The following SLC25A21 variants were observed in gnomAD, a reference collection of about 807,000 sequenced individuals.
SLC25A21 encodes solute carrier family 25 member 21.
SLC25A21 carries 47 observed loss-of-function variants against 43.8 expected under a neutral mutation model. The ratio of observed to expected loss-of-function variants is 1.07; its 90% CI spans 0.85 to 1.37. The LOEUF (loss-of-function observed/expected upper bound fraction) is 1.37. Among genes scored for constraint, SLC25A21 ranks in the 40% most tolerant of loss-of-function variants. The pLI is 0.00. For synonymous variants in SLC25A21, 131 were observed against 121.3 expected (o/e 1.08, Z -0.52); for missense variants, 352 against 350.2 (o/e 1.00, Z -0.04).
At chr14:36,817,913 T>C (rs1888508270) in intron 2 of SLC25A21, among the ~76,000 whole-genome samples, 1 of 152,212 alleles carries the variant, frequency 6.6e-6, no homozygotes, top group South Asian at 2.1e-4. Context: ...CTAGTTGCAA[T>C]TTCTTTTTCT....
At chr14:36,774,413 T>C (rs1165107790) in intron 3 of SLC25A21, among the ~76,000 whole-genome samples, 1 of 152,236 alleles carries the variant, frequency 6.6e-6, no homozygotes, top group Non-Finnish European at 1.5e-5. Context: ...AAAAAGTTTA[T>C]TTCTCAGTAC....
chr14:36,917,787 G>A (rs1891870570), intron 1 of SLC25A21, among the ~76,000 whole-genome samples: 1 of 151,908 alleles, frequency 6.6e-6, no homozygotes, highest in Non-Finnish European at 1.5e-5. Flanking sequence ...AAACCAGGAG[G>A]CACCTAACAT....
chr14:36,772,725 T>C (rs192156671), intron 3 of SLC25A21, among the ~76,000 whole-genome samples: 7 of 152,282 alleles, frequency 4.6e-5, no homozygotes, highest in Admixed American at 4.6e-4. Context: ...CATGGTCGAT[T>C]GCAAATATTC....
At chr14:36,915,994 T>A (rs1265911308) in intron 1 of SLC25A21, among the ~76,000 whole-genome samples, 1 of 152,238 alleles carries the variant, frequency 6.6e-6, no homozygotes, top group Non-Finnish European at 1.5e-5. Context: ...CTTTCTCATA[T>A]CAGAGTGGAT....
intron 1 of SLC25A21, among the ~76,000 whole-genome samples, chr14:36,994,006 AATG>A (rs1275054350): frequency 2.6e-5 from 4 of 152,170 alleles, no homozygotes; most frequent in African/African-American, 9.7e-5. Context: ...ATATACACAA[AATG>A]ATGAATGAGC....
chr14:37,018,535 T>C (rs1225989233), intron 1 of SLC25A21, among the ~76,000 whole-genome samples: 1 of 152,040 alleles, frequency 6.6e-6, no homozygotes, highest in Non-Finnish European at 1.5e-5. Context: ...CTCTTTCGTA[T>C]TCCCTATCTC....
intron 3 of SLC25A21, among the ~76,000 whole-genome samples, chr14:36,812,553 C>G (rs751411947): frequency 2.8e-4 from 43 of 151,158 alleles, no homozygotes; most frequent in Non-Finnish European, 2.2e-4. Flanking sequence ...ATTTATTGCA[C>G]TATTGTTTAT....
At chr14:36,753,283 T>C (rs1885784006) in intron 3 of SLC25A21, among the ~76,000 whole-genome samples, 1 of 151,966 alleles carries the variant, frequency 6.6e-6, no homozygotes, top group African/African-American at 2.4e-5. Flanking sequence ...ATAAAAACAA[T>C]AAAACAGGAG....
chr14:37,032,058 T>C (rs1272927367), intron 1 of SLC25A21, among the ~76,000 whole-genome samples: 2 of 148,376 alleles, frequency 1.3e-5, no homozygotes, highest in Admixed American at 6.7e-5. Flanking sequence ...CCATTCAACA[T>C]TCCTATTTCT....
intron 1 of SLC25A21, among the ~76,000 whole-genome samples, chr14:37,157,939 T>C (rs375156402): frequency 1.9e-3 from 287 of 152,190 alleles, no homozygotes; most frequent in African/African-American, 6.3e-3. Context: ...TCAAAGATCA[T>C]CAGAGACTGT....
chr14:37,110,536 A>G (rs1962999621), intron 1 of SLC25A21, among the ~76,000 whole-genome samples: 1 of 152,172 alleles, frequency 6.6e-6, no homozygotes, highest in South Asian at 2.1e-4. Flanking sequence ...GATACAATGA[A>G]GGCACTGCCT....
intron 2 of SLC25A21, among the ~76,000 whole-genome samples, chr14:36,841,990 G>A (rs1889399445): frequency 6.6e-6 from 1 of 152,156 alleles, no homozygotes; most frequent in Non-Finnish European, 1.5e-5. Context: ...TGGTCCCCTT[G>A]CTTCTCTAAG....
At chr14:37,113,853 CAAAAAA>C (rs34321762) in intron 1 of SLC25A21, among the ~76,000 whole-genome samples, 1 of 119,378 alleles carries the variant, frequency 8.4e-6, no homozygotes, top group Non-Finnish European at 1.7e-5. Context: ...GACTCTGTCT[CAAAAAA>C]AAAAAAAAAA....
rs550996474 is a variant in SLC25A21 at position 36,815,331 on chromosome 14, TA to T, written c.120-1331del. On this transcript the variant is annotated intron_variant, in intron 2 of 9. Coordinates refer to ENST00000331299, the MANE Select transcript of SLC25A21 (RefSeq NM_030631.4). ...TGCATATGTATCCTGGAACTTAAAG[TA>T]AAAAAAAAAAATACAGAGTAGCTAA... is the stretch of plus-strand genomic sequence containing the variant. 2.4e-3 allele frequency among the ~76,000 whole-genome samples: 346 copies of T among 142,496 alleles called. 1 individual carries two copies. The highest frequency in any genetic ancestry group is 0.011 in the Middle Eastern group (3 of 268). 93.5% of individuals were successfully genotyped at this position (142,496 alleles called of 152,430 possible).
intron 1 of SLC25A21, among the ~76,000 whole-genome samples, chr14:36,896,938 G>A (rs1264778500): frequency 6.6e-6 from 1 of 152,164 alleles, no homozygotes; most frequent in Non-Finnish European, 1.5e-5. Flanking sequence ...CCCTTTGTGG[G>A]TAACCCGACC....
At chr14:37,172,069 G>C in intron 1 of SLC25A21, 1 of 546,398 alleles carries the variant, frequency 1.8e-6, no homozygotes. Flanking sequence ...CGCGGACGCC[G>C]AGGCAACTTT....
intron 3 of SLC25A21, among the ~76,000 whole-genome samples, chr14:36,775,691 CAAAT>C (rs1375776243): frequency 6.6e-6 from 1 of 152,112 alleles, no homozygotes; most frequent in Non-Finnish European, 1.5e-5. Context: ...TGCCTGTCCC[CAAAT>C]AGAGGGGCAC....
chr14:36,835,452 G>A (rs1472513711), intron 2 of SLC25A21, among the ~76,000 whole-genome samples: 2 of 152,158 alleles, frequency 1.3e-5, no homozygotes, highest in East Asian at 3.9e-4. Flanking sequence ...TGGACCTCCT[G>A]CAGGGACACA....
intron 7 of SLC25A21, among the ~76,000 whole-genome samples, chr14:36,709,428 C>T (rs1883732830): frequency 6.6e-6 from 1 of 152,190 alleles, no homozygotes; most frequent in South Asian, 2.1e-4. Context: ...TTGAGAGCTC[C>T]TTCGTGTCAT....
Sources: allele counts gnomAD v4.1 joint callset (sites outside exome capture counted in the v4.1 genomes callset), GRCh38; gene constraint gnomAD v4.1.1; transcripts MANE v1.5; gene names NCBI Gene and HGNC (gene_info 2026-07-23, HGNC 2026-07-21).